The following FBXL17 variants were observed in gnomAD, a reference collection of about 807,000 sequenced individuals.
FBXL17 encodes the protein F-box and leucine rich repeat protein 17.
In FBXL17, 22 loss-of-function variants were observed where a neutral mutation model predicts 66.2. The observed-to-expected ratio is 0.33, with a 90% CI of 0.24 to 0.47. FBXL17 has a LOEUF of 0.47. Ranked by LOEUF, FBXL17 falls within the 20% of genes least tolerant of loss-of-function variation. The probability of loss-of-function intolerance (pLI) is 1.00; values close to 1 mark genes in which losing one functional copy is unlikely to be tolerated. For missense variants in FBXL17, 878 were observed against 948.2 expected (o/e 0.93, Z 0.97); for synonymous variants, 474 against 400.5 (o/e 1.18, Z -2.19).
intron 8 of FBXL17, among the ~76,000 whole-genome samples, chr5:107,867,921 C>G (rs992732204): frequency 1.3e-5 from 2 of 152,204 alleles, no homozygotes; most frequent in Non-Finnish European, 2.9e-5. Context: ...AAGAGACAAT[C>G]AAACGCTTCT....
intron 7 of FBXL17, among the ~76,000 whole-genome samples, chr5:108,008,666 C>T (rs186776934): frequency 9.2e-5 from 14 of 151,878 alleles, no homozygotes; most frequent in Admixed American, 5.9e-4. Flanking sequence ...TCAAATATAC[C>T]ATCTTCTAGC....
intron 6 of FBXL17, among the ~76,000 whole-genome samples, chr5:108,055,312 AAG>A (rs1305421929): frequency 5.6e-5 from 1 of 17,952 alleles, no homozygotes; most frequent in African/African-American, 2.5e-4. Context: ...AAAAAAAAAA[AAG>A]AAAAACGCTT....
chr5:108,377,592 T>C (rs1011545150), intron 1 of FBXL17, among the ~76,000 whole-genome samples: 1 of 152,244 alleles, frequency 6.6e-6, no homozygotes, highest in African/African-American at 2.4e-5. Flanking sequence ...GATCTAACAG[T>C]TTTCCTAAGA....
chr5:108,045,758 G>A (rs1046379991), intron 6 of FBXL17, among the ~76,000 whole-genome samples: 1 of 152,080 alleles, frequency 6.6e-6, no homozygotes, highest in African/African-American at 2.4e-5. Context: ...GTTTCCAAGT[G>A]TTTGGAGAAT....
intron 6 of FBXL17, among the ~76,000 whole-genome samples, chr5:108,155,270 A>T (rs1751949864): frequency 6.6e-6 from 1 of 152,118 alleles, no homozygotes; most frequent in Non-Finnish European, 1.5e-5. Flanking sequence ...TAATCCCAGT[A>T]CTTTGGGAGG....
chr5:107,935,611 A>G (rs1169838489), intron 7 of FBXL17, among the ~76,000 whole-genome samples: 2 of 152,142 alleles, frequency 1.3e-5, no homozygotes, highest in Non-Finnish European at 2.9e-5. Flanking sequence ...AGGAGCAACA[A>G]TAGAGAGGTA....
At chr5:108,115,325 T>A (rs1282737601) in intron 6 of FBXL17, among the ~76,000 whole-genome samples, 1 of 152,080 alleles carries the variant, frequency 6.6e-6, no homozygotes, top group Non-Finnish European at 1.5e-5. Context: ...GAGAATTGAG[T>A]ATGTAGGTAG....
intron 5 of FBXL17, among the ~76,000 whole-genome samples, chr5:108,218,020 T>C (rs1168284892): frequency 3.1e-4 from 44 of 140,972 alleles, no homozygotes; most frequent in Admixed American, 7.0e-4. Context: ...TTTTTTCTTT[T>C]TTTTTTTTTT....
At chr5:108,206,238 T>G (rs2922410) in intron 5 of FBXL17, among the ~76,000 whole-genome samples, 48,344 of 152,012 alleles carry the variant, frequency 0.32, 7,847 homozygotes, top group Middle Eastern at 0.41. Flanking sequence ...GAATTATGTG[T>G]TTACTTTTTT....
In FBXL17 at chr5:107,994,924, A is replaced by G. The variant is rs771552792; in HGVS notation, c.1822+26001T>C. Among the ~76,000 whole-genome samples the G allele has an allele frequency of 2.0e-5, 3 of 152,310 alleles. No homozygotes were observed. The East Asian group carries it at 5.8e-4, about 29-fold the overall frequency. On this transcript the variant is annotated intron_variant, in intron 7 of 8. Coordinates refer to ENST00000542267, the MANE Select transcript of FBXL17 (RefSeq NM_001163315.3). ...TTAAAAAATGTTTTCTAAGTATAAG[A>G]TAAGTTAATATTAATCAACGTGGTT...
intron 1 of FBXL17, among the ~76,000 whole-genome samples, chr5:108,373,995 TTTAGATCCAAAA>T (rs1749244575): frequency 6.6e-6 from 1 of 152,240 alleles, no homozygotes; most frequent in South Asian, 2.1e-4. Context: ...AGAGACTCAA[TTTAGATCCAAAA>T]ATATACACAG....
chr5:108,253,249 T>TTC (rs1334095425), intron 4 of FBXL17, among the ~76,000 whole-genome samples: 3 of 151,076 alleles, frequency 2.0e-5, no homozygotes, highest in African/African-American at 7.3e-5. Flanking sequence ...AAAAAGGTGA[T>TTC]TTTTTTAAAA....
At chr5:108,094,078 G>A (rs986098413) in intron 6 of FBXL17, among the ~76,000 whole-genome samples, 1 of 152,126 alleles carries the variant, frequency 6.6e-6, no homozygotes, top group African/African-American at 2.4e-5. Flanking sequence ...TGCTCTCTGA[G>A]TGCTGCACAG....
At chr5:107,976,715 T>A (rs1022998954) in intron 7 of FBXL17, among the ~76,000 whole-genome samples, 1 of 152,186 alleles carries the variant, frequency 6.6e-6, no homozygotes, top group Non-Finnish European at 1.5e-5. Context: ...TTCCTCCTGC[T>A]TTTTGGGACA....
At chr5:108,071,655 C>T (rs1233817404) in intron 6 of FBXL17, among the ~76,000 whole-genome samples, 2 of 151,772 alleles carry the variant, frequency 1.3e-5, no homozygotes, top group African/African-American at 4.8e-5. Flanking sequence ...TCTCTGTTTC[C>T]TCATGTTCAA....
chr5:107,892,562 A>G (rs558855902), intron 7 of FBXL17, among the ~76,000 whole-genome samples: 29 of 152,172 alleles, frequency 1.9e-4, no homozygotes, highest in Non-Finnish European at 3.4e-4. Context: ...CCAGAGTAAA[A>G]CTAAGAACTT....
chr5:108,056,154 T>C (rs1349579698), intron 6 of FBXL17, among the ~76,000 whole-genome samples: 1 of 152,216 alleles, frequency 6.6e-6, no homozygotes, highest in Non-Finnish European at 1.5e-5. Context: ...ACACATTCCT[T>C]TGGGGTAAAG....
intron 6 of FBXL17, among the ~76,000 whole-genome samples, chr5:108,118,183 T>C (rs1369720648): frequency 6.6e-6 from 1 of 152,166 alleles, no homozygotes; most frequent in Non-Finnish European, 1.5e-5. Context: ...ATGTGTAAGA[T>C]TTTCACTATA....
At chr5:108,062,539 A>C (rs544825939) in intron 6 of FBXL17, among the ~76,000 whole-genome samples, 2 of 152,310 alleles carry the variant, frequency 1.3e-5, no homozygotes, top group South Asian at 4.1e-4. Context: ...ATAAATAATA[A>C]TCACCAACAA....
Sources: gnomAD v4.1 joint callset for allele counts (sites outside exome capture counted in the v4.1 genomes callset) on GRCh38, gnomAD v4.1.1 for gene constraint, MANE v1.5 for transcripts, NCBI Gene and HGNC (gene_info 2026-07-23, HGNC 2026-07-21) for gene names.